The following CLPTM1 variants were observed in gnomAD, a reference collection of about 807,000 sequenced individuals.
The protein encoded by CLPTM1 is CLPTM1 regulator of GABA type A receptor forward trafficking, also known as putative lipid scramblase CLPTM1.
In CLPTM1, 21 loss-of-function variants were observed where a neutral mutation model predicts 77.3. The ratio of observed to expected loss-of-function variants is 0.27; its 90% confidence interval spans 0.19 to 0.39. CLPTM1 has a LOEUF of 0.39. CLPTM1 is among the 10% of genes least tolerant of loss of function. The pLI is 1.00. For missense variants in CLPTM1, 642 were observed against 921.2 expected, an observed-to-expected ratio of 0.70 and a Z score of 3.92; for synonymous variants, 373 against 381.0, an observed-to-expected ratio of 0.98 and a Z score of 0.24.
In CLPTM1 at chr19:44,977,398, T is replaced by C. The variant is rs1157793562; in HGVS notation, c.524T>C (p.Phe175Ser). 1 of 1,610,124 alleles carries C rather than the reference T, an allele frequency of 6.2e-7. No homozygotes were observed. The highest frequency in any genetic ancestry group is 8.5e-7 in the Non-Finnish European group (1 of 1,179,954). ...YIHVYFTKSG[F>S]HPDPRQKALY... is the part of the protein sequence containing the mutation. ...CACGTTTACTTCACCAAGAGTGGCT[T>C]CCACCCAGACCCCCGGCAGAAGGCC... Residue 175 changes from phenylalanine to serine, a missense_variant, in exon 5 of 14, where the codon TTC becomes TCC. Transcript: ENST00000337392.
chr19:44,976,611 C>T (rs942284860), intron 4 of CLPTM1, among the ~76,000 whole-genome samples: 23 of 152,204 alleles, frequency 1.5e-4, no homozygotes, highest in African/African-American at 5.1e-4. Flanking sequence ...CCCTGGACAA[C>T]TTGCCTCCCT....
chr19:44,986,747 A>G, intron 7 of CLPTM1, 172 bp downstream of exon 7: 1 of 816,470 alleles, frequency 1.2e-6, no homozygotes, highest in East Asian at 2.8e-5. Flanking sequence ...CTCCCACACC[A>G]CCACCCCTGG....
chr19:44,954,913 T>G, upstream of CLPTM1: 5 of 1,438,526 alleles, frequency 3.5e-6, no homozygotes, highest in Non-Finnish European at 4.7e-6. Flanking sequence ...GGCAAAAGGC[T>G]AGTTCTTCGA....
chr19:44,955,777 G>A, intron 1 of CLPTM1: 2 of 315,092 alleles, frequency 6.3e-6, no homozygotes, highest in Non-Finnish European at 1.2e-5. Flanking sequence ...TCAACTCCGC[G>A]ATTCCATGCT....
chr19:44,956,960 G>A (rs1970473799), intron 1 of CLPTM1, among the ~76,000 whole-genome samples: 1 of 152,096 alleles, frequency 6.6e-6, no homozygotes, highest in African/African-American at 2.4e-5. Context: ...TTGTTTGGGG[G>A]GCTGCCCTGT....
Position 44,993,249 on chromosome 19 carries a change from C to T in CLPTM1, c.*352C>T. ...GCCCACGGCCGTTCATCATCTTGTCCCTCGTCCCCCTACCACACTCCCCCT... is the reference window on the plus strand; with the variant it reads ...GCCCACGGCCGTTCATCATCTTGTCTCTCGTCCCCCTACCACACTCCCCCT... On this transcript the variant is annotated 3_prime_UTR_variant, in exon 14 of 14. Transcript: ENST00000337392. The T allele has an allele frequency of 2.0e-6, 1 of 504,540 alleles. No homozygotes were observed. Among genetic ancestry groups the T allele is most frequent in the East Asian group, 4.9e-5 (1 of 20,516 alleles). The allele number at this position is 504,540 out of a possible 1,614,324, so 31.3% of individuals were successfully genotyped here.
chr19:44,955,220 G>T, upstream of CLPTM1: 5 of 1,521,436 alleles, frequency 3.3e-6, no homozygotes, highest in South Asian at 4.9e-5. Flanking sequence ...CGAGTACGGT[G>T]GCCAGGTTGG....
At chr19:44,968,253 A>G (rs1970665112) in intron 2 of CLPTM1, among the ~76,000 whole-genome samples, 1 of 152,106 alleles carries the variant, frequency 6.6e-6, no homozygotes, top group African/African-American at 2.4e-5. Context: ...GTTTGTTTTC[A>G]GGGGCCCATG....
At chr19:44,988,059 G>A (rs1358744133) in intron 8 of CLPTM1, 21 bp from the exon 9 acceptor site, 2 of 1,571,554 alleles carry the variant, frequency 1.3e-6, no homozygotes, top group Admixed American at 1.7e-5. Context: ...GACAGGCTGT[G>A]CTCACATGTG....
rs1970771023 is a variant in CLPTM1 at position 44,974,292 on chromosome 19, C to T, written c.310-147C>T. On this transcript the variant is annotated intron_variant, in intron 3 of 13. Transcript: ENST00000337392. ...TGGTATGAGAAAAGAGAAAATATGT[C>T]CTCTCTGCTGCTCTTCCTCTCTCCT... is the stretch of plus-strand genomic sequence containing the variant. The T allele has an allele frequency of 7.4e-6, 5 of 676,872 alleles. No homozygotes were observed. The East Asian group carries it at 1.4e-4, about 19-fold the overall frequency. 41.9% of individuals were successfully genotyped at this position (676,872 alleles called of 1,614,324 possible). A position where few individuals can be genotyped will look rare whatever the true frequency, so the allele number is the denominator to read the frequency against.
intron 6 of CLPTM1, 106 bp downstream of exon 6, chr19:44,985,409 C>G: frequency 2.6e-6 from 2 of 765,598 alleles, no homozygotes; most frequent in Non-Finnish European, 4.4e-6. Context: ...AACCACCATG[C>G]CGGCTCGGTC....
At chr19:44,979,703 G>T (rs1243651086) in intron 5 of CLPTM1, among the ~76,000 whole-genome samples, 1 of 152,150 alleles carries the variant, frequency 6.6e-6, no homozygotes, top group Non-Finnish European at 1.5e-5. Flanking sequence ...GAGTGAGTGT[G>T]TCTGAAGAAT....
At chr19:44,955,056 A>C (rs1293207226), upstream of CLPTM1, 4 of 1,535,764 alleles carry the variant, frequency 2.6e-6, no homozygotes, top group South Asian at 4.8e-5. Flanking sequence ...AGCGGACAGG[A>C]TGTCCCGAAA....
rs73558172 is a variant in CLPTM1 at position 44,968,051 on chromosome 19, A to G, written c.186-5036A>G. On this transcript the variant is annotated intron_variant, in intron 2 of 13. Transcript: ENST00000337392. ...GTTTTACACACTGTTCTGCTCCTTG[A>G]TTTTTTTCATTAACAATATATCTTT... Among the ~76,000 whole-genome samples the G allele has an allele frequency of 7.5e-3, 1,134 of 152,032 alleles. 14 individuals are homozygous for G. The highest frequency in any genetic ancestry group is 0.026 in the African/African-American group (1,086 of 41,432).
At position 44,993,272 on chromosome 19, in the gene CLPTM1, C is replaced by G. The variant is rs1405302155; in HGVS notation, c.*375C>G. 1 of 461,278 alleles carries G rather than the reference C, an allele frequency of 2.2e-6. No homozygotes were observed. Among genetic ancestry groups the G allele is most frequent in the Non-Finnish European group, 4.2e-6 (1 of 238,150 alleles). The allele number at this position is 461,278 out of a possible 1,614,324, so 28.6% of individuals were successfully genotyped here. The stretch of plus-strand genomic sequence containing the variant: ...TCCCTCGTCCCCCTACCACACTCCC[C>G]CTCCTAGACCGCCGCCCTTTAACAC... On this transcript the variant is annotated 3_prime_UTR_variant, in exon 14 of 14. Coordinates refer to ENST00000337392, the MANE Select transcript of CLPTM1 (RefSeq NM_001294.4).
chr19:44,975,044 A>G (rs763321729), intron 4 of CLPTM1, among the ~76,000 whole-genome samples: 2 of 93,530 alleles, frequency 2.1e-5, no homozygotes, highest in African/African-American at 7.8e-5. Flanking sequence ...CTCATTTAAC[A>G]TGTGAGGAAA....
chr19:44,989,152 T>TGA (rs1009889523), intron 9 of CLPTM1, among the ~76,000 whole-genome samples: 137 of 151,896 alleles, frequency 9.0e-4, no homozygotes, highest in African/African-American at 3.2e-3. Context: ...GGCAACAGAG[T>TGA]GACACCCTGT....
intron 7 of CLPTM1, 109 bp from the exon 8 acceptor site, chr19:44,987,070 C>G: frequency 7.2e-7 from 1 of 1,394,548 alleles, no homozygotes; most frequent in East Asian, 2.3e-5. Context: ...GTCCCCTGTC[C>G]TCCAGTCTCT....
chr19:44,970,389 C>A (rs1457189427), intron 2 of CLPTM1, among the ~76,000 whole-genome samples: 1 of 129,076 alleles, frequency 7.7e-6, no homozygotes, highest in Non-Finnish European at 1.6e-5. Context: ...TTGTATGTGC[C>A]CTGGGCTAGC....
Sources: allele counts gnomAD v4.1 joint callset (sites outside exome capture counted in the v4.1 genomes callset), GRCh38; gene constraint gnomAD v4.1.1; transcripts MANE v1.5; gene names NCBI Gene and HGNC (gene_info 2026-07-23, HGNC 2026-07-21).